The following EVI5 variants were observed in gnomAD, a reference collection of about 807,000 sequenced individuals.
EVI5 encodes the protein ecotropic viral integration site 5.
Under a neutral mutation model 112.0 loss-of-function variants are expected in EVI5, and 73 were observed. The ratio of observed to expected loss-of-function variants is 0.65; its 90% CI spans 0.54 to 0.79. The LOEUF (loss-of-function observed/expected upper bound fraction) is 0.79, where lower values mean the gene tolerates loss of function less well. EVI5 is among the 30% of genes least tolerant of loss of function. The pLI, the probability that EVI5 is intolerant of heterozygous loss-of-function variation, is 0.00. For missense variants in EVI5, 900 were observed against 968.8 expected, an observed-to-expected ratio of 0.93 and a Z score of 0.94; for synonymous variants, 305 against 319.9, an observed-to-expected ratio of 0.95 and a Z score of 0.50.
At chr1:92,741,592 T>G (rs992757255) in intron 1 of EVI5, among the ~76,000 whole-genome samples, 17 of 152,120 alleles carry the variant, frequency 1.1e-4, no homozygotes, top group African/African-American at 4.1e-4. Context: ...AAAAAAAAAC[T>G]GGTACAATTC....
At chr1:92,602,470 C>T (rs1198519599) in intron 18 of EVI5, among the ~76,000 whole-genome samples, 1 of 152,106 alleles carries the variant, frequency 6.6e-6, no homozygotes, top group Non-Finnish European at 1.5e-5. Flanking sequence ...ATCATAGCTC[C>T]TTGTAATATG....
At chr1:92,663,305 T>C in intron 12 of EVI5, 115 bp downstream of exon 12, 1 of 484,350 alleles carries the variant, frequency 2.1e-6, no homozygotes, top group East Asian at 3.3e-5. Context: ...AAAAATTATT[T>C]CTAGAAAAAC....
chr1:92,619,957 A>G (rs913388105), intron 16 of EVI5, among the ~76,000 whole-genome samples: 4 of 152,166 alleles, frequency 2.6e-5, no homozygotes, highest in Non-Finnish European at 5.9e-5. Context: ...AAACGAACAG[A>G]GCAACCAAGA....
At chr1:92,741,421 C>T (rs1007128434) in intron 1 of EVI5, among the ~76,000 whole-genome samples, 38 of 152,284 alleles carry the variant, frequency 2.5e-4, no homozygotes, top group African/African-American at 8.4e-4. Flanking sequence ...TATTCCCATT[C>T]CTACCACAAT....
intron 18 of EVI5, among the ~76,000 whole-genome samples, chr1:92,587,039 G>C (rs1672917736): frequency 6.6e-6 from 1 of 152,006 alleles, no homozygotes; most frequent in Non-Finnish European, 1.5e-5. Flanking sequence ...GGATCCAAAT[G>C]ATGTTCTTCA....
intron 1 of EVI5, among the ~76,000 whole-genome samples, chr1:92,752,011 G>C (rs945165350): frequency 6.6e-6 from 1 of 151,984 alleles, no homozygotes; most frequent in East Asian, 1.9e-4. Flanking sequence ...GAGACACCCT[G>C]TCTTAAAAAA....
Position 92,719,347 on chromosome 1 carries a change from T to C in EVI5, c.150-14603A>G, listed in dbSNP as rs528597014. ...GCAGCACATCAAAAAGCTTATCCAC[T>C]ATGACAAAGTGGCCTTCATCCCTGG... On this transcript the variant is annotated intron_variant, in intron 2 of 19. Transcript: ENST00000684568. Among the ~76,000 whole-genome samples, 19 of 152,018 alleles carry C rather than the reference T, an allele frequency of 1.2e-4. No homozygotes were observed. The East Asian group carries it at 3.7e-3, about 29-fold the overall frequency.
chr1:92,619,655 C>T (rs960923590), intron 16 of EVI5, among the ~76,000 whole-genome samples: 6 of 151,554 alleles, frequency 4.0e-5, no homozygotes, highest in South Asian at 2.1e-4. Flanking sequence ...CACAGTGGCT[C>T]GTGACTGTAA....
intron 1 of EVI5, among the ~76,000 whole-genome samples, chr1:92,771,564 C>T (rs926067333): frequency 4.6e-5 from 7 of 151,884 alleles, no homozygotes; most frequent in Admixed American, 4.6e-4. Context: ...GCTTATCTAC[C>T]TCCCTACCAA....
At chr1:92,523,211 TA>T (rs1367613953) in intron 19 of EVI5, among the ~76,000 whole-genome samples, 2 of 152,114 alleles carry the variant, frequency 1.3e-5, no homozygotes, top group Admixed American at 6.6e-5. Flanking sequence ...TATTATGGAA[TA>T]TTTTTTTAAA....
intron 18 of EVI5, among the ~76,000 whole-genome samples, chr1:92,581,585 C>G (rs780880402): frequency 6.6e-6 from 1 of 152,120 alleles, no homozygotes; most frequent in Non-Finnish European, 1.5e-5. Context: ...CCTGGCAGGC[C>G]TCTCTGCTCT....
At chr1:92,550,366 G>T (rs1459208812) in intron 19 of EVI5, among the ~76,000 whole-genome samples, 2 of 109,524 alleles carry the variant, frequency 1.8e-5, no homozygotes, top group African/African-American at 7.0e-5. Flanking sequence ...GGGAGGGGGA[G>T]GGATAGCATT....
chr1:92,630,512 G>C (rs1236284725), intron 14 of EVI5, among the ~76,000 whole-genome samples: 13 of 152,166 alleles, frequency 8.5e-5, no homozygotes, highest in Admixed American at 8.5e-4. Context: ...TGTTGATGGG[G>C]TTGTTTGTTT....
intron 11 of EVI5, among the ~76,000 whole-genome samples, chr1:92,664,944 T>C (rs1041095571): frequency 2.0e-5 from 3 of 152,220 alleles, no homozygotes; most frequent in South Asian, 2.1e-4. Flanking sequence ...CGGTGGCTCA[T>C]GCTTGTAATC....
chr1:92,643,662 T>C (rs551957186), intron 13 of EVI5, among the ~76,000 whole-genome samples: 27 of 152,318 alleles, frequency 1.8e-4, no homozygotes, highest in African/African-American at 6.5e-4. Flanking sequence ...AAGACAATCA[T>C]TCTATAACTG....
In EVI5 at chr1:92,704,711, A is replaced by T. The variant is rs1558112324; in HGVS notation, c.183T>A (p.Ser61=). 1 of 1,582,594 alleles carries T rather than the reference A, an allele frequency of 6.3e-7. No individual in the cohort carries two copies. The highest frequency in any genetic ancestry group is 1.4e-5 in the African/African-American group (1 of 73,876). ...CACTGTTTCTTCTTGACCCATTTAC[A>T]GATCTTAAAGACTTACTATCCGTTT... ...LLETDSKSLR[S]VNGSRRNSGS... is the part of the protein sequence containing the mutation. The change falls in exon 3 of 20, where the codon TCT becomes TCA. Residue 61 remains serine (S), a synonymous_variant. Coordinates refer to ENST00000684568, the MANE Select transcript of EVI5 (RefSeq NM_001350197.2).
intron 9 of EVI5, among the ~76,000 whole-genome samples, chr1:92,684,115 T>C (rs1023024503): frequency 2.0e-5 from 3 of 150,690 alleles, no homozygotes; most frequent in Non-Finnish European, 3.0e-5. Context: ...TTCACCAAGG[T>C]TGAAATGAAG....
At chr1:92,605,769 AG>A (rs1460088659) in intron 17 of EVI5, among the ~76,000 whole-genome samples, 18 of 152,342 alleles carry the variant, frequency 1.2e-4, no homozygotes, top group African/African-American at 4.3e-4. Context: ...TTAAGTTGAG[AG>A]GGAAAATAAC....
chr1:92,631,464 T>G (rs1002118561), intron 14 of EVI5, among the ~76,000 whole-genome samples: 2 of 152,236 alleles, frequency 1.3e-5, no homozygotes, highest in Non-Finnish European at 2.9e-5. Context: ...AATTCACTCA[T>G]GATTTGGCTC....
Sources: allele counts gnomAD v4.1 joint callset (sites outside exome capture counted in the v4.1 genomes callset), GRCh38; gene constraint gnomAD v4.1.1; transcripts MANE v1.5; gene names NCBI Gene and HGNC (gene_info 2026-07-23, HGNC 2026-07-21).